The following VIL1 variants were observed in gnomAD, a reference collection of about 807,000 sequenced individuals.
VIL1 encodes the protein villin 1.
Under a neutral mutation model 104.0 loss-of-function variants are expected in VIL1, and 86 were observed. The ratio of observed to expected loss-of-function variants is 0.83; its 90% CI spans 0.69 to 0.99. The LOEUF (loss-of-function observed/expected upper bound fraction) is 0.99, where lower values mean the gene tolerates loss of function less well. Among genes scored for constraint, VIL1 ranks in the 50% least tolerant of loss-of-function variants. The probability of loss-of-function intolerance (pLI) is 0.00; values close to 1 mark genes in which losing one functional copy is unlikely to be tolerated. For missense variants in VIL1, 944 were observed against 1,054.1 expected (o/e 0.90, Z 1.45); for synonymous variants, 394 against 412.6 (o/e 0.95, Z 0.55).
At chr2:218,432,693 A>G (rs556108948) in intron 12 of VIL1, 100 bp from the exon 13 acceptor site, 5 of 1,485,486 alleles carry the variant, frequency 3.4e-6, no homozygotes, top group East Asian at 4.7e-5. Context: ...TGGGTTTAGG[A>G]CCAGTTCAGA....
Position 218,423,849 on chromosome 2 carries a change from T to C in VIL1, c.71T>C (p.Ile24Thr), listed in dbSNP as rs1402777077. ...ITTPGLQIWR[I>T]EAMQMVPVPS... Reference sequence around the variant, plus strand: ...ACCCCGGGGCTGCAGATATGGAGGATCGAGGTGAGGCCCTGTCTGGGCATG... The same window carrying C: ...ACCCCGGGGCTGCAGATATGGAGGACCGAGGTGAGGCCCTGTCTGGGCATG... The change falls in exon 2 of 20, where the codon ATC becomes ACC. Residue 24 changes from isoleucine (I) to threonine (T), a missense_variant. Ile to Thr is a moderately conservative substitution (Grantham distance 89). Coordinates refer to ENST00000248444, the MANE Select transcript of VIL1 (RefSeq NM_007127.3). 1.9e-6 allele frequency: 3 copies of C among 1,614,086 alleles called. No homozygotes were observed. The highest frequency in any genetic ancestry group is 1.1e-5 in the South Asian group (1 of 91,072).
chr2:218,428,395 C>G, intron 6 of VIL1, 58 bp downstream of exon 6: 7 of 1,477,970 alleles, frequency 4.7e-6, no homozygotes, highest in Non-Finnish European at 6.6e-6. Flanking sequence ...CCCACCTGCT[C>G]CTTTCCCCAG....
intron 15 of VIL1, among the ~76,000 whole-genome samples, chr2:218,435,697 A>G (rs980802194): frequency 6.6e-6 from 1 of 152,222 alleles, no homozygotes; most frequent in African/African-American, 2.4e-5. Context: ...ATTCCTGGCC[A>G]TAGGAGGCAG....
At chr2:218,437,623 T>G (rs571060974) in intron 17 of VIL1, among the ~76,000 whole-genome samples, 1 of 152,280 alleles carries the variant, frequency 6.6e-6, no homozygotes, top group South Asian at 2.1e-4. Context: ...CAAAATTCAG[T>G]TTGTCACTAG....
Position 218,428,295 on chromosome 2 carries a change from C to T in VIL1, c.525C>T (p.Ile175=), listed in dbSNP as rs1689038263. 6.2e-7 allele frequency: 1 copy of T among 1,614,066 alleles called. No homozygotes were observed. Among genetic ancestry groups the T allele is most frequent in the Non-Finnish European group, 8.5e-7 (1 of 1,180,042 alleles). Residue 175 remains isoleucine, a synonymous_variant, in exon 6 of 20, where the codon ATC becomes ATT. Coordinates refer to ENST00000248444, the MANE Select transcript of VIL1 (RefSeq NM_007127.3). ...TCCTGGACCTTGGGAAGCTTATCAT[C>T]CAGTGGAATGGACCGGAAAGCACCC... ...VFLLDLGKLI[I]QWNGPESTRM... is the part of the protein sequence containing the mutation.
chr2:218,424,063 C>T (rs559629423), intron 2 of VIL1, among the ~76,000 whole-genome samples: 2 of 152,288 alleles, frequency 1.3e-5, no homozygotes, highest in South Asian at 2.1e-4. Context: ...CAACCTTCCT[C>T]TCCACTTCCT....
Position 218,452,154 on chromosome 2 carries a change from T to C in VIL1, c.*2818T>C, listed in dbSNP as rs1276888942. On this transcript the variant is annotated 3_prime_UTR_variant, in exon 20 of 20. Coordinates refer to ENST00000248444, the MANE Select transcript of VIL1 (RefSeq NM_007127.3). The stretch of plus-strand genomic sequence containing the variant: ...TAAAATTCCAACAAAGATCAAAAGG[T>C]TGTATCTAGAACTAATTGCCATCAA... 6.6e-6 allele frequency: 1 copy of C among 152,170 alleles called. No homozygotes were observed. The highest frequency in any genetic ancestry group is 1.9e-4 in the East Asian group (1 of 5,204). The allele number at this position is 152,170 out of a possible 1,614,324, so 9.4% of individuals were successfully genotyped here. A position where few individuals can be genotyped will look rare whatever the true frequency, so the allele number is the denominator to read the frequency against.
chr2:218,427,325 C>A (rs1471353454), intron 4 of VIL1, among the ~76,000 whole-genome samples: 1 of 79,426 alleles, frequency 1.3e-5, no homozygotes, highest in East Asian at 4.7e-4. Flanking sequence ...TAATACATTT[C>A]CTTTTTTTTT....
chr2:218,443,473 G>A (rs1453562132), intron 19 of VIL1, among the ~76,000 whole-genome samples: 1 of 151,916 alleles, frequency 6.6e-6, no homozygotes, highest in African/African-American at 2.4e-5. Context: ...GCTATTACAA[G>A]CATGAGCCAC....
intron 1 of VIL1, among the ~76,000 whole-genome samples, chr2:218,423,172 G>T (rs191985009): frequency 6.6e-6 from 1 of 152,242 alleles, no homozygotes; most frequent in East Asian, 1.9e-4. Context: ...GTGACAGGTG[G>T]ATCACCTGAG....
At position 218,429,673 on chromosome 2, in the gene VIL1, G is replaced by C; in HGVS notation, c.847G>C (p.Glu283Gln). Residue 283 changes from glutamate to glutamine, a missense_variant and splice_region_variant, in exon 8 of 20, where the codon GAG (glutamate) becomes CAG (glutamine). Glu to Gln is a conservative substitution (Grantham distance 29, BLOSUM62 2). Coordinates refer to ENST00000248444, the MANE Select transcript of VIL1 (RefSeq NM_007127.3). Reference sequence around the variant, plus strand: ...ACTGACACAGGACCTGCTCAGTCACGAGGTAAGAGGGTCTGGAGACCCCTC... The same window carrying C: ...ACTGACACAGGACCTGCTCAGTCACCAGGTAAGAGGGTCTGGAGACCCCTC... ...RPLTQDLLSH[E>Q]DCYILDQGGL... The C allele has an allele frequency of 6.2e-7, 1 of 1,614,050 alleles. No individual in the cohort carries two copies. Among genetic ancestry groups the C allele is most frequent in the South Asian group, 1.1e-5 (1 of 91,082 alleles).
rs1689063581 is a variant in VIL1, at chr2:218,429,690, A to T, written c.849+15A>T. Reference sequence around the variant, plus strand: ...TCAGTCACGAGGTAAGAGGGTCTGGAGACCCCTCAGCCTACTGCAGCCTGG... The same window carrying T: ...TCAGTCACGAGGTAAGAGGGTCTGGTGACCCCTCAGCCTACTGCAGCCTGG... On this transcript the variant is annotated intron_variant, in intron 8 of 19. Coordinates refer to ENST00000248444, the MANE Select transcript of VIL1 (RefSeq NM_007127.3). 6.2e-7 allele frequency: 1 copy of T among 1,613,876 alleles called. No homozygotes were observed. The highest frequency in any genetic ancestry group is 1.3e-5 in the African/African-American group (1 of 74,918).
chr2:218,429,551 G>A (rs1689059522), intron 7 of VIL1, 46 bp from the exon 8 acceptor site: 1 of 1,613,744 alleles, frequency 6.2e-7, no homozygotes, highest in African/African-American at 1.3e-5. Context: ...CCCTGGCTGA[G>A]GGACTTGGGC....
At chr2:218,421,028 A>G (rs1358530263) in intron 1 of VIL1, among the ~76,000 whole-genome samples, 1 of 152,188 alleles carries the variant, frequency 6.6e-6, no homozygotes, top group African/African-American at 2.4e-5. Flanking sequence ...GAGAAGGGAC[A>G]GTCCAGGATG....
chr2:218,429,207 G>T, intron 6 of VIL1, 78 bp from the exon 7 acceptor site: 2 of 1,518,190 alleles, frequency 1.3e-6, no homozygotes, highest in Non-Finnish European at 1.8e-6. Flanking sequence ...GTCTGGGCTT[G>T]CCTGGCAGGG....
At chr2:218,441,871 C>A (rs1288153811) in intron 19 of VIL1, among the ~76,000 whole-genome samples, 1 of 152,072 alleles carries the variant, frequency 6.6e-6, no homozygotes, top group African/African-American at 2.4e-5. Flanking sequence ...CCTATAATCC[C>A]AGCTACTCGG....
intron 2 of VIL1, 148 bp downstream of exon 2, chr2:218,424,001 C>A: frequency 1.1e-6 from 1 of 872,916 alleles, no homozygotes; most frequent in Non-Finnish European, 1.8e-6. Flanking sequence ...GCATCATCCA[C>A]ACCCCGGCTG....
Position 218,429,365 on chromosome 2 carries a change from A to G in VIL1, c.648A>G (p.Glu216=), listed in dbSNP as rs1196550185. 2.0e-5 allele frequency: 32 copies of G among 1,613,998 alleles called. No homozygotes were observed. In the East Asian group the frequency reaches 6.9e-4, roughly 35 times the overall value. ...TYVGVVDGEN[E]LASPKLMEVM... ...TAGGCGTGGTGGACGGAGAGAATGA[A>G]TTGGCATCCCCGAAGCTGATGGAGG... Residue 216 remains glutamate (E), a synonymous_variant, in exon 7 of 20, where the codon GAA becomes GAG. Transcript: ENST00000248444.
At chr2:218,436,344 T>G (rs2106394751) in intron 15 of VIL1, 138 bp from the exon 16 acceptor site, 1 of 1,185,478 alleles carries the variant, frequency 8.4e-7, no homozygotes, top group East Asian at 2.4e-5. Context: ...GAGGGGACCC[T>G]TTTATCAATC....
Sources: gnomAD v4.1 joint callset for allele counts (sites outside exome capture counted in the v4.1 genomes callset) on GRCh38, gnomAD v4.1.1 for gene constraint, MANE v1.5 for transcripts, NCBI Gene and HGNC (gene_info 2026-07-23, HGNC 2026-07-21) for gene names.